The following MIS18A variants were observed in gnomAD, a reference collection of about 807,000 sequenced individuals.
MIS18A encodes the protein MIS18 kinetochore protein A.
In MIS18A, 14 loss-of-function variants were observed where a neutral mutation model predicts 25.0. The ratio of observed to expected loss-of-function variants is 0.56; its 90% CI spans 0.37 to 0.88. MIS18A has a LOEUF of 0.88. Among genes scored for constraint, MIS18A ranks in the 40% least tolerant of loss-of-function variants. The pLI is 0.00. For missense variants in MIS18A, 292 were observed against 290.8 expected, an observed-to-expected ratio of 1.00 and a Z score of -0.03; for synonymous variants, 134 against 118.6, an observed-to-expected ratio of 1.13 and a Z score of -0.84.
At chr21:32,172,884 G>T in the MIS18A span, among the ~76,000 whole-genome samples, 13 of 152,132 alleles carry the variant, frequency 8.5e-5, no homozygotes, top group African/African-American at 3.1e-4. Context: ...AAATGGTGTT[G>T]GGACAACTGG....
the MIS18A span, among the ~76,000 whole-genome samples, chr21:32,220,885 T>C: frequency 4.0e-5 from 6 of 151,538 alleles, no homozygotes; most frequent in African/African-American, 1.5e-4. Context: ...ATATCAGAGA[T>C]TGAAGATCAA....
the MIS18A span, among the ~76,000 whole-genome samples, chr21:32,237,914 G>A: frequency 3.5e-4 from 53 of 152,194 alleles, no homozygotes; most frequent in African/African-American, 1.2e-3. Flanking sequence ...GAAGCTTCAG[G>A]CTTGGTTCAG....
At chr21:32,278,568 T>TAAGGGAAACC (rs1555895677) in intron 1 of MIS18A, 113 bp downstream of exon 1, 12 of 1,155,418 alleles carry the variant, frequency 1.0e-5, no homozygotes, top group Admixed American at 5.9e-5. Context: ...TTTTTGCTCT[T>TAAGGGAAACC]AAAGTCCCTG....
the MIS18A span, among the ~76,000 whole-genome samples, chr21:32,228,372 C>G: frequency 1.3e-5 from 2 of 152,218 alleles, no homozygotes; most frequent in Non-Finnish European, 2.9e-5. Context: ...CAGGCATGAG[C>G]CACTGCACCC....
the MIS18A span, among the ~76,000 whole-genome samples, chr21:32,242,744 C>T: frequency 8.5e-4 from 129 of 152,280 alleles, no homozygotes; most frequent in African/African-American, 2.9e-3. Context: ...CTATCCCTGC[C>T]CTCCAGAAGC....
the MIS18A span, among the ~76,000 whole-genome samples, chr21:32,170,171 A>G: frequency 6.6e-6 from 1 of 152,154 alleles, no homozygotes. Context: ...GTATATACCC[A>G]AAGAAAAATA....
the MIS18A span, among the ~76,000 whole-genome samples, chr21:32,192,798 C>T: frequency 0.017 from 2,605 of 152,296 alleles, 34 homozygotes; most frequent in Non-Finnish European, 0.022. Flanking sequence ...GTAGGAGCAA[C>T]CTCTTGCAAG....
chr21:32,215,325 C>T, the MIS18A span, among the ~76,000 whole-genome samples: 1 of 152,160 alleles, frequency 6.6e-6, no homozygotes, highest in Non-Finnish European at 1.5e-5. Flanking sequence ...CCAAAATTTA[C>T]AGGGGTAGCA....
chr21:32,169,488 C>T, the MIS18A span, among the ~76,000 whole-genome samples: 1,658 of 152,154 alleles, frequency 0.011, 12 homozygotes, highest in South Asian at 0.029. Context: ...ATATGGAAAA[C>T]GAGATGTCCA....
the MIS18A span, among the ~76,000 whole-genome samples, chr21:32,161,563 C>T: frequency 6.6e-6 from 1 of 151,832 alleles, no homozygotes; most frequent in South Asian, 2.1e-4. Flanking sequence ...GTGATCTCAG[C>T]TCACTGCAAA....
At chr21:32,221,723 CAAAAA>C in the MIS18A span, among the ~76,000 whole-genome samples, 60 of 108,694 alleles carry the variant, frequency 5.5e-4, no homozygotes, top group Non-Finnish European at 7.0e-4. Context: ...ACGAATAATA[CAAAAA>C]AAAAAAAAAA....
rs1362693300 is a variant in MIS18A, at chr21:32,268,844, G to C, written c.*193C>G. On this transcript the variant is annotated 3_prime_UTR_variant, in exon 5 of 5. Coordinates refer to ENST00000290130, the MANE Select transcript of MIS18A (RefSeq NM_018944.3). ...ACTCTGTTGCCCAGACTAGAACACA[G>C]TAGTGGCATGACCAAGGCTCACTGC... 2 of 435,848 alleles carry C rather than the reference G, an allele frequency of 4.6e-6. No individual in the cohort carries two copies. The highest frequency in any genetic ancestry group is 8.4e-6 in the Non-Finnish European group (2 of 238,694). The allele number at this position is 435,848 out of a possible 1,614,324, so 27.0% of individuals were successfully genotyped here. A position where few individuals can be genotyped will look rare whatever the true frequency, so the allele number is the denominator to read the frequency against.
the MIS18A span, among the ~76,000 whole-genome samples, chr21:32,243,809 G>T: frequency 6.6e-6 from 1 of 152,116 alleles, no homozygotes; most frequent in Non-Finnish European, 1.5e-5. Flanking sequence ...CCTGAGGTCA[G>T]AAGTTCGAGA....
At chr21:32,190,162 C>G in the MIS18A span, among the ~76,000 whole-genome samples, 1 of 152,308 alleles carries the variant, frequency 6.6e-6, no homozygotes, top group African/African-American at 2.4e-5. Context: ...TTTTCACCTT[C>G]TTCCTCTCCT....
At chr21:32,168,514 A>G in the MIS18A span, among the ~76,000 whole-genome samples, 1 of 152,228 alleles carries the variant, frequency 6.6e-6, no homozygotes, top group Non-Finnish European at 1.5e-5. Context: ...TATTGCTGAA[A>G]CTAAATTTTA....
chr21:32,271,696 T>C (rs1162350793), intron 2 of MIS18A, among the ~76,000 whole-genome samples: 1 of 152,166 alleles, frequency 6.6e-6, no homozygotes, highest in African/African-American at 2.4e-5. Flanking sequence ...TCCTCCACCT[T>C]GGCCTCCCAA....
chr21:32,190,210 C>T, the MIS18A span, among the ~76,000 whole-genome samples: 1 of 152,196 alleles, frequency 6.6e-6, no homozygotes, highest in African/African-American at 2.4e-5. Context: ...CTCACTGTCT[C>T]TCTCTCTCTC....
chr21:32,190,616 A>T, the MIS18A span, among the ~76,000 whole-genome samples: 1 of 152,206 alleles, frequency 6.6e-6, no homozygotes, highest in Non-Finnish European at 1.5e-5. Context: ...AAGCTTCCAT[A>T]GCGATGAAGC....
intron 2 of MIS18A, among the ~76,000 whole-genome samples, chr21:32,273,131 C>G (rs1469430130): frequency 9.9e-6 from 1 of 101,500 alleles, no homozygotes; most frequent in South Asian, 2.9e-4. Context: ...TTTTTTTTTT[C>G]ACTTTTATGG....
Sources: allele counts gnomAD v4.1 joint callset (sites outside exome capture counted in the v4.1 genomes callset), GRCh38; gene constraint gnomAD v4.1.1; transcripts MANE v1.5; gene names NCBI Gene and HGNC (gene_info 2026-07-23, HGNC 2026-07-21).